TRPM3: variants seen among roughly 807,000 people sequenced by gnomAD.
TRPM3 encodes transient receptor potential cation channel subfamily M member 3, also known as long transient receptor potential channel 3.
Under a neutral mutation model 181.2 loss-of-function variants are expected in TRPM3, and 77 were observed. That is an observed-to-expected ratio of 0.42 (90% CI 0.35 to 0.51). The LOEUF (loss-of-function observed/expected upper bound fraction) is 0.51, where lower values mean the gene tolerates loss of function less well. Among genes scored for constraint, TRPM3 ranks in the 20% least tolerant of loss-of-function variants. TRPM3 has a pLI of 0.01. For synonymous variants in TRPM3, 745 were observed against 796.4 expected (o/e 0.94, Z 1.09); for missense variants, 1,759 against 2,196.7 (o/e 0.80, Z 3.98).
In TRPM3 at chr9:70,639,055, C is replaced by G; in HGVS notation, c.1581+5G>C. ...AAAATAAAAAGTGCCTTAGTTTGGC[C>G]CTACCGTATTGTACAATTCCTCTAG... On this transcript the variant is annotated splice_donor_5th_base_variant and intron_variant, in intron 11 of 25. Transcript: ENST00000677713. 6.2e-7 allele frequency: 1 copy of G among 1,611,678 alleles called. No homozygotes were observed. The highest frequency in any genetic ancestry group is 8.5e-7 in the Non-Finnish European group (1 of 1,179,216).
intron 19 of TRPM3, among the ~76,000 whole-genome samples, chr9:70,604,959 T>C (rs934493974): frequency 2.0e-4 from 12 of 60,690 alleles, no homozygotes; most frequent in African/African-American, 6.5e-4. Flanking sequence ...GCTGAATGGA[T>C]TCTTCTTTTT....
intron 1 of TRPM3, among the ~76,000 whole-genome samples, chr9:71,248,742 G>A (rs967807334): frequency 6.6e-6 from 1 of 152,086 alleles, no homozygotes; most frequent in African/African-American, 2.4e-5. Flanking sequence ...GTGTTATAAT[G>A]TACGTCCAAC....
chr9:71,312,403 T>C (rs759845118), intron 1 of TRPM3, among the ~76,000 whole-genome samples: 48 of 152,238 alleles, frequency 3.2e-4, no homozygotes, highest in South Asian at 1.7e-3. Flanking sequence ...CACCACCAAA[T>C]GCTGACAAGG....
chr9:70,619,019 T>A lies in TRPM3; in HGVS notation c.2206A>T (p.Thr736Ser). ...QDEQLAMKLL[T>S]YELKNWSNAT... Reference sequence around the variant, plus strand: ...TTGCTCCAGTTCTTCAGCTCATACGTCAGCAGTTTCATGGCCAGCTGTTCG... The same window carrying A: ...TTGCTCCAGTTCTTCAGCTCATACGACAGCAGTTTCATGGCCAGCTGTTCG... Residue 736 changes from threonine (T) to serine (S), a missense_variant, in exon 17 of 26, where the codon ACG becomes TCG. This residue lies in a region of TRPM3 where 737 missense variants were observed against 957.4 expected (regional missense o/e 0.77). Coordinates refer to ENST00000677713, the MANE Select transcript of TRPM3 (RefSeq NM_001366145.2). 6.2e-7 allele frequency: 1 copy of A among 1,614,194 alleles called. No homozygotes were observed. The highest frequency in any genetic ancestry group is 1.1e-5 in the South Asian group (1 of 91,082).
intron 1 of TRPM3, among the ~76,000 whole-genome samples, chr9:71,383,062 T>G (rs1375395250): frequency 2.0e-5 from 3 of 152,166 alleles, no homozygotes; most frequent in Non-Finnish European, 4.4e-5. Context: ...TAATTAGTTT[T>G]TAAACTTTAA....
At chr9:71,311,040 G>A (rs1272121958) in intron 1 of TRPM3, among the ~76,000 whole-genome samples, 1 of 152,150 alleles carries the variant, frequency 6.6e-6, no homozygotes, top group South Asian at 2.1e-4. Context: ...CAGAATTGTA[G>A]TAAATGAACA....
At chr9:70,626,634 G>A (rs2064677034) in intron 12 of TRPM3, among the ~76,000 whole-genome samples, 1 of 152,184 alleles carries the variant, frequency 6.6e-6, no homozygotes, top group Non-Finnish European at 1.5e-5. Flanking sequence ...CTCCTCAGGT[G>A]ATTCTGATGC....
chr9:71,094,787 A>C (rs2066845990), intron 1 of TRPM3, among the ~76,000 whole-genome samples: 1 of 152,180 alleles, frequency 6.6e-6, no homozygotes, highest in African/African-American at 2.4e-5. Context: ...GGTAGGTACT[A>C]AAAATCAAAC....
rs555563529 is a variant in TRPM3 at position 71,246,852 on chromosome 9, G to C, written c.183+199801C>G. 2.3e-3 allele frequency among the ~76,000 whole-genome samples: 351 copies of C among 152,258 alleles called. 2 individuals are homozygous for C. The highest frequency in any genetic ancestry group is 0.017 in the Middle Eastern group (5 of 294). ...TACCATTTTAGCCTCTTCAGGTTTT[G>C]TGTGTACATGTAATTCCAGTGTATC... On this transcript the variant is annotated intron_variant, in intron 1 of 24. Transcript: ENST00000357533.
chr9:71,084,637 T>C (rs563554866), intron 1 of TRPM3, among the ~76,000 whole-genome samples: 2 of 151,926 alleles, frequency 1.3e-5, no homozygotes, highest in South Asian at 2.1e-4. Flanking sequence ...TACAAACAAA[T>C]AGAAAAATAT....
At chr9:70,635,698 G>A (rs2057075196) in intron 11 of TRPM3, among the ~76,000 whole-genome samples, 1 of 151,742 alleles carries the variant, frequency 6.6e-6, no homozygotes, top group Non-Finnish European at 1.5e-5. Context: ...CTGGCCTCAA[G>A]CAATCCTCCC....
At chr9:71,232,750 G>A (rs1407083154) in intron 1 of TRPM3, among the ~76,000 whole-genome samples, 3 of 151,834 alleles carry the variant, frequency 2.0e-5, no homozygotes, top group Non-Finnish European at 2.9e-5. Context: ...CTGCCGCCTC[G>A]GCCTCCCAAA....
rs192575803 is a variant in TRPM3, at chr9:70,925,537, A to T, written c.178-61026T>A. The stretch of plus-strand genomic sequence containing the variant: ...CAAATGTTGGTAGAATATGGAAAAA[A>T]ATATATATATATATCCTCCTGTCTA... On this transcript the variant is annotated intron_variant, in intron 1 of 25. Coordinates refer to ENST00000677713, the MANE Select transcript of TRPM3 (RefSeq NM_001366145.2). Among the ~76,000 whole-genome samples, 556 of 151,514 alleles carry T rather than the reference A, an allele frequency of 3.7e-3. 7 individuals are homozygous for T. The highest frequency in any genetic ancestry group is 0.011 in the African/African-American group (469 of 41,326).
At chr9:71,127,195 T>C (rs886179244) in intron 1 of TRPM3, among the ~76,000 whole-genome samples, 3 of 152,048 alleles carry the variant, frequency 2.0e-5, no homozygotes, top group African/African-American at 7.2e-5. Flanking sequence ...TTAGGAAGCT[T>C]TGAGGGGAAA....
At chr9:71,117,393 A>C (rs749160777) in intron 1 of TRPM3, among the ~76,000 whole-genome samples, 12 of 152,164 alleles carry the variant, frequency 7.9e-5, no homozygotes, top group Admixed American at 2.0e-4. Flanking sequence ...GGTTTTTGCC[A>C]TTAAAAACCT....
At chr9:70,917,508 C>T (rs936040562) in intron 1 of TRPM3, 31 of 698,430 alleles carry the variant, frequency 4.4e-5, no homozygotes, top group Admixed American at 4.4e-4. Context: ...GGAGCCACCA[C>T]GATAACTGGG....
chr9:71,249,081 T>A (rs1166176372), intron 1 of TRPM3, among the ~76,000 whole-genome samples: 1 of 152,234 alleles, frequency 6.6e-6, no homozygotes, highest in Non-Finnish European at 1.5e-5. Context: ...TTTGCTCATT[T>A]CATTTGCAGA....
At chr9:71,166,591 C>A (rs2076552958) in intron 1 of TRPM3, among the ~76,000 whole-genome samples, 1 of 151,980 alleles carries the variant, frequency 6.6e-6, no homozygotes, top group Non-Finnish European at 1.5e-5. Context: ...CAGTATCTTG[C>A]CAAAATGGAC....
At chr9:70,832,902 G>T (rs771489457) in intron 5 of TRPM3, among the ~76,000 whole-genome samples, 24 of 152,164 alleles carry the variant, frequency 1.6e-4, no homozygotes, top group Non-Finnish European at 3.1e-4. Flanking sequence ...TACTTATTAA[G>T]AATTTCTTGA....
Sources: gnomAD v4.1 joint callset for allele counts (sites outside exome capture counted in the v4.1 genomes callset) on GRCh38, gnomAD v4.1.1 for gene constraint, gnomAD v4.1.1 regional missense constraint, MANE v1.5 for transcripts, NCBI Gene and HGNC (gene_info 2026-07-23, HGNC 2026-07-21) for gene names.